PTPRC: variants seen among roughly 807,000 people sequenced by gnomAD.
The protein encoded by PTPRC is receptor-type tyrosine-protein phosphatase C.
In PTPRC, 44 loss-of-function variants were observed where a neutral mutation model predicts 155.9. That is an observed-to-expected ratio of 0.28 (90% CI 0.22 to 0.36). The LOEUF (loss-of-function observed/expected upper bound fraction) is 0.36, where lower values mean the gene tolerates loss of function less well. PTPRC is among the 10% of genes least tolerant of loss of function. The probability of loss-of-function intolerance (pLI) is 1.00; values close to 1 mark genes in which losing one functional copy is unlikely to be tolerated. For synonymous variants in PTPRC, 525 were observed against 533.1 expected (o/e 0.98, Z 0.21); for missense variants, 1,401 against 1,564.6 (o/e 0.90, Z 1.76).
chr1:198,671,240 C>T lies in PTPRC; in HGVS notation c.74-21107C>T, dbSNP rs115690914. On this transcript the variant is annotated intron_variant, in intron 2 of 32. Coordinates refer to ENST00000442510, the MANE Select transcript of PTPRC (RefSeq NM_002838.5). ...ACAACTTCCATGCATACACCAGTAT[C>T]ACCCCCCTCACCCCCCTGTTTCCAA... Among the ~76,000 whole-genome samples the T allele has an allele frequency of 1.3e-3, 195 of 152,180 alleles. 1 individual carries two copies. Among genetic ancestry groups the T allele is most frequent in the Middle Eastern group, 0.01 (3 of 294 alleles).
intron 15 of PTPRC, among the ~76,000 whole-genome samples, chr1:198,724,532 C>G (rs1045948759): frequency 2.6e-5 from 4 of 152,136 alleles, no homozygotes; most frequent in Admixed American, 6.5e-5. Flanking sequence ...CTAATTCTCC[C>G]ATACAAAAAA....
At chr1:198,658,651 C>T (rs1329942606) in intron 2 of PTPRC, among the ~76,000 whole-genome samples, 1 of 152,040 alleles carries the variant, frequency 6.6e-6, no homozygotes, top group African/African-American at 2.4e-5. Flanking sequence ...TCCTCTCACC[C>T]CTGAAAAGTG....
intron 15 of PTPRC, among the ~76,000 whole-genome samples, chr1:198,728,139 T>C (rs1182011212): frequency 1.3e-5 from 2 of 152,192 alleles, no homozygotes; most frequent in African/African-American, 2.4e-5. Context: ...TATAAAATGT[T>C]TTCATTGGTT....
intron 2 of PTPRC, among the ~76,000 whole-genome samples, chr1:198,674,934 T>C (rs1664864542): frequency 6.6e-6 from 1 of 152,164 alleles, no homozygotes; most frequent in African/African-American, 2.4e-5. Context: ...ATTTTTCCAA[T>C]ATTGTTCTTT....
rs67899145 is a variant in PTPRC, at chr1:198,651,292, T to TTGTGTGTGTGTGTG, written c.73+11969_73+11982dup. 1.8e-3 allele frequency among the ~76,000 whole-genome samples: 271 copies of TTGTGTGTGTGTGTG among 147,900 alleles called. 1 individual carries two copies. The highest frequency in any genetic ancestry group is 7.0e-3 in the East Asian group (35 of 5,004). Reference sequence around the variant, plus strand: ...AAGACAATACTTGAACAGATTGGGATTGTGTGTGTGTGTGTGTGTGTGTGT... The same window carrying TTGTGTGTGTGTGTG: ...AAGACAATACTTGAACAGATTGGGATTGTGTGTGTGTGTGTGTGTGTGTGTGTGTGTGTGTGTGT... On this transcript the variant is annotated intron_variant, in intron 2 of 32. Transcript: ENST00000442510.
chr1:198,686,618 G>C (rs1347321178), intron 2 of PTPRC, among the ~76,000 whole-genome samples: 1 of 152,104 alleles, frequency 6.6e-6, no homozygotes, highest in Non-Finnish European at 1.5e-5. Context: ...CCATTGCTAT[G>C]TCACATATTT....
intron 2 of PTPRC, chr1:198,679,233 CTTT>C (rs1245277728): frequency 6.7e-5 from 9 of 135,260 alleles, no homozygotes; most frequent in South Asian, 2.3e-4. Context: ...CGAGCTCGTA[CTTT>C]TTTTTTTTTT....
chr1:198,659,233 C>T (rs895416436), intron 2 of PTPRC, among the ~76,000 whole-genome samples: 1 of 152,178 alleles, frequency 6.6e-6, no homozygotes, highest in Non-Finnish European at 1.5e-5. Context: ...CTGCCTTGTT[C>T]TCTTGTCTGT....
At chr1:198,701,348 A>G (rs1032949210) in intron 5 of PTPRC, among the ~76,000 whole-genome samples, 2 of 152,198 alleles carry the variant, frequency 1.3e-5, no homozygotes, top group Admixed American at 1.3e-4. Flanking sequence ...ACGTGCATGC[A>G]TGTATCACTG....
At chr1:198,752,960 A>T (rs1340363356) in intron 31 of PTPRC, among the ~76,000 whole-genome samples, 188 bp downstream of exon 31, 2 of 152,052 alleles carry the variant, frequency 1.3e-5, no homozygotes, top group Middle Eastern at 3.2e-3. Flanking sequence ...AAGTGATTAT[A>T]TTATAGTGCA....
At chr1:198,692,489 A>C in intron 3 of PTPRC, 116 bp downstream of exon 3, 1 of 1,133,252 alleles carries the variant, frequency 8.8e-7, no homozygotes, top group Non-Finnish European at 1.1e-6. Flanking sequence ...AAATTTTATA[A>C]TCATGAGTGA....
Position 198,645,915 on chromosome 1 carries a change from A to T in PTPRC, c.73+6574A>T, listed in dbSNP as rs190186731. 3.2e-4 allele frequency among the ~76,000 whole-genome samples: 48 copies of T among 151,898 alleles called. No individual in the cohort carries two copies. In the South Asian group the frequency reaches 7.3e-3, roughly 23 times the overall value. The stretch of plus-strand genomic sequence containing the variant: ...GAAGTCTCACCTGCCTTCAATCCTT[A>T]CTGTGTCCATACCCACCATTACCAG... On this transcript the variant is annotated intron_variant, in intron 2 of 32. Coordinates refer to ENST00000442510, the MANE Select transcript of PTPRC (RefSeq NM_002838.5).
At chr1:198,669,117 CA>C (rs1376638344) in intron 2 of PTPRC, among the ~76,000 whole-genome samples, 8 of 152,096 alleles carry the variant, frequency 5.3e-5, no homozygotes, top group Non-Finnish European at 2.9e-5. Flanking sequence ...AAATAGTACC[CA>C]AAACTAGCAG....
At position 198,642,892 on chromosome 1, in the gene PTPRC, T is replaced by TTTTCTTTCTTCCTTTC. The variant is rs1287327143; in HGVS notation, c.73+3561_73+3562insCCTTTCTTTCTTTCTT. ...TGGAGCTGGGAAGGGATCTTTTTTC[T>TTTTCTTTCTTCCTTTC]TTTCTTTCTTTCTTCCTTTCTTTCT... On this transcript the variant is annotated intron_variant, in intron 2 of 32. Transcript: ENST00000442510. Among the ~76,000 whole-genome samples, 312 of 119,176 alleles carry TTTTCTTTCTTCCTTTC rather than the reference T, an allele frequency of 2.6e-3. 1 individual carries two copies. The highest frequency in any genetic ancestry group is 4.2e-3 in the East Asian group (17 of 4,030). 78.2% of individuals were successfully genotyped at this position (119,176 alleles called of 152,430 possible).
Position 198,651,292 on chromosome 1 carries a change from T to TTGTGTGTGTGTGTGTG in PTPRC, c.73+11967_73+11982dup, listed in dbSNP as rs67899145. Among the ~76,000 whole-genome samples, 66 of 147,902 alleles carry TTGTGTGTGTGTGTGTG rather than the reference T, an allele frequency of 4.5e-4. No individual in the cohort carries two copies. In the East Asian group the frequency reaches 6.2e-3, roughly 14 times the overall value. ...AAGACAATACTTGAACAGATTGGGA[T>TTGTGTGTGTGTGTGTG]TGTGTGTGTGTGTGTGTGTGTGTGT... On this transcript the variant is annotated intron_variant, in intron 2 of 32. Transcript: ENST00000442510.
intron 16 of PTPRC, 88 bp from the exon 17 acceptor site, chr1:198,729,049 T>G (rs1654270270): frequency 1.4e-6 from 2 of 1,450,884 alleles, no homozygotes; most frequent in African/African-American, 2.8e-5. Context: ...CCTTTGTTCC[T>G]TCAATATATT....
In PTPRC at chr1:198,709,789, C is replaced by A. The variant is rs1200104864; in HGVS notation, c.1136C>A (p.Thr379Asn). 2.5e-6 allele frequency: 4 copies of A among 1,612,560 alleles called. No individual in the cohort carries two copies. The highest frequency in any genetic ancestry group is 3.4e-6 in the Non-Finnish European group (4 of 1,179,250). ...ATACTCTATAATAACCACAAGTTTACTAACGCAAGTAAAATTATTAAAACA... is the reference window on the plus strand; with the variant it reads ...ATACTCTATAATAACCACAAGTTTAATAACGCAAGTAAAATTATTAAAACA... ...SEILYNNHKF[T>N]NASKIIKTDF... Residue 379 changes from threonine (T) to asparagine (N), a missense_variant, in exon 11 of 33, where the codon ACT (threonine) becomes AAT (asparagine). By Grantham distance (65) the Thr-to-Asn change is moderately conservative. Around this residue, in one of 3 missense-constraint regions of PTPRC, gnomAD observed 867 missense variants for 970.4 expected, o/e 0.89. Transcript: ENST00000442510.
At chr1:198,713,287 T>C (rs1008716062) in intron 12 of PTPRC, among the ~76,000 whole-genome samples, 3 of 152,232 alleles carry the variant, frequency 2.0e-5, no homozygotes, top group East Asian at 1.9e-4. Flanking sequence ...TTGCTTGTCC[T>C]TCTTGGTCTT....
chr1:198,694,635 A>T, intron 3 of PTPRC: 3 of 985,226 alleles, frequency 3.0e-6, no homozygotes, highest in Non-Finnish European at 3.6e-6. Context: ...TTAACCTAAA[A>T]ATAACAAATT....
Sources: allele counts gnomAD v4.1 joint callset (sites outside exome capture counted in the v4.1 genomes callset), GRCh38; gene constraint gnomAD v4.1.1; regional missense constraint gnomAD v4.1.1; transcripts MANE v1.5; gene names NCBI Gene and HGNC (gene_info 2026-07-23, HGNC 2026-07-21).